The following KCNMA1 variants were observed in gnomAD, a reference collection of about 807,000 sequenced individuals.
KCNMA1 encodes potassium calcium-activated channel subfamily M alpha 1.
Under a neutral mutation model 140.0 loss-of-function variants are expected in KCNMA1, and 29 were observed. The observed-to-expected ratio is 0.21, with a 90% CI of 0.15 to 0.28. The LOEUF (loss-of-function observed/expected upper bound fraction) is 0.28, where lower values mean the gene tolerates loss of function less well. KCNMA1 is among the 10% of genes least tolerant of loss of function. KCNMA1 has a pLI of 1.00. For missense variants in KCNMA1, 880 were observed against 1,602.2 expected, an observed-to-expected ratio of 0.55 and a Z score of 7.70; for synonymous variants, 612 against 611.9, an observed-to-expected ratio of 1.00 and a Z score of 0.00.
intron 1 of KCNMA1, among the ~76,000 whole-genome samples, chr10:77,410,615 G>A (rs1350465464): frequency 2.6e-5 from 4 of 152,214 alleles, no homozygotes; most frequent in African/African-American, 9.6e-5. Flanking sequence ...ACCCTCCTAT[G>A]GCTTCTTGGC....
At chr10:76,969,714 C>A (rs1436826491) in intron 20 of KCNMA1, among the ~76,000 whole-genome samples, 2 of 152,222 alleles carry the variant, frequency 1.3e-5, no homozygotes, top group African/African-American at 4.8e-5. Context: ...ACAGCTAAGA[C>A]TTTAAAGCCT....
chr10:77,032,900 G>C (rs1296966421), intron 15 of KCNMA1, among the ~76,000 whole-genome samples: 3 of 152,134 alleles, frequency 2.0e-5, no homozygotes, highest in South Asian at 2.1e-4. Flanking sequence ...AACATTACTT[G>C]CTGGTGTTAA....
At chr10:77,075,558 A>C (rs942093775) in intron 13 of KCNMA1, among the ~76,000 whole-genome samples, 34 of 152,206 alleles carry the variant, frequency 2.2e-4, no homozygotes, top group African/African-American at 8.2e-4. Context: ...GAGGCATTTC[A>C]TCCTTGGGTC....
intron 1 of KCNMA1, among the ~76,000 whole-genome samples, chr10:77,484,848 C>G (rs1469129053): frequency 1.3e-5 from 2 of 152,220 alleles, no homozygotes; most frequent in Non-Finnish European, 2.9e-5. Flanking sequence ...CTCTGTCTAG[C>G]CTGCCTCTTG....
chr10:76,964,815 G>A (rs940584768), intron 20 of KCNMA1, among the ~76,000 whole-genome samples: 1 of 152,164 alleles, frequency 6.6e-6, no homozygotes, highest in Non-Finnish European at 1.5e-5. Flanking sequence ...ACCAGGAGAT[G>A]CCCAAGAGGA....
In KCNMA1 at chr10:77,089,127, G is replaced by T. The variant is rs564872115; in HGVS notation, c.1334+1273C>A. On this transcript the variant is annotated intron_variant, in intron 10 of 27. Coordinates refer to ENST00000286628, the MANE Select transcript of KCNMA1 (RefSeq NM_001161352.2). ...ACCTGCTCCTGTGCTAACATAGCCT[G>T]GTCTGTTTTTTCAAAGTTTGGAGAA... 5.3e-5 allele frequency among the ~76,000 whole-genome samples: 8 copies of T among 152,278 alleles called. No homozygotes were observed. The South Asian group carries it at 1.2e-3, about 24-fold the overall frequency.
chr10:76,910,588 A>G (rs1347572019), intron 24 of KCNMA1: 1 of 251,916 alleles, frequency 4.0e-6, no homozygotes, highest in Admixed American at 5.0e-5. Flanking sequence ...CCACAGGCAT[A>G]ACCCGCAGCC....
chr10:76,928,766 G>A (rs2058487027), intron 23 of KCNMA1, among the ~76,000 whole-genome samples: 1 of 152,080 alleles, frequency 6.6e-6, no homozygotes, highest in African/African-American at 2.4e-5. Context: ...GCCGATCAAC[G>A]CGCCATCCCT....
chr10:77,332,212 C>T (rs185669224), intron 2 of KCNMA1, among the ~76,000 whole-genome samples: 7 of 152,126 alleles, frequency 4.6e-5, no homozygotes, highest in Admixed American at 2.6e-4. Flanking sequence ...AGACCTAAAG[C>T]GTGCACAGGA....
At chr10:76,915,720 C>T (rs1053992655) in intron 23 of KCNMA1, among the ~76,000 whole-genome samples, 1 of 152,092 alleles carries the variant, frequency 6.6e-6, no homozygotes, top group Non-Finnish European at 1.5e-5. Context: ...TGACTTAGGC[C>T]TCAGTTTTCA....
At chr10:76,895,971 G>T (rs2042326072) in intron 25 of KCNMA1, among the ~76,000 whole-genome samples, 2 of 152,172 alleles carry the variant, frequency 1.3e-5, no homozygotes, top group Non-Finnish European at 1.5e-5. Context: ...GAGATCACAA[G>T]GTCAGGGCAA....
At chr10:77,470,242 G>T (rs1211886601) in intron 1 of KCNMA1, among the ~76,000 whole-genome samples, 1 of 152,136 alleles carries the variant, frequency 6.6e-6, no homozygotes, top group Non-Finnish European at 1.5e-5. Context: ...CCTGAGACAT[G>T]TACTGTATTA....
intron 2 of KCNMA1, among the ~76,000 whole-genome samples, chr10:77,389,223 G>A (rs1206639666): frequency 6.6e-6 from 1 of 152,122 alleles, no homozygotes; most frequent in East Asian, 1.9e-4. Context: ...TATAAATTTG[G>A]GGGCTAGCTT....
chr10:76,969,842 G>A (rs908803838), intron 20 of KCNMA1, 132 bp downstream of exon 20: 10 of 717,230 alleles, frequency 1.4e-5, no homozygotes. Flanking sequence ...GCCATCTAAC[G>A]ATCTCGCTCC....
intron 1 of KCNMA1, among the ~76,000 whole-genome samples, chr10:77,480,512 T>G (rs919903891): frequency 6.6e-6 from 1 of 152,102 alleles, no homozygotes; most frequent in African/African-American, 2.4e-5. Context: ...TATTAAAGCA[T>G]CCCAGAAAAA....
chr10:77,392,501 C>G (rs1264747729), intron 2 of KCNMA1, among the ~76,000 whole-genome samples: 1 of 152,226 alleles, frequency 6.6e-6, no homozygotes, highest in African/African-American at 2.4e-5. Context: ...AACCTTGCCA[C>G]CCCAAATCAT....
chr10:77,489,277 T>C (rs545038070), intron 1 of KCNMA1, among the ~76,000 whole-genome samples: 38 of 152,332 alleles, frequency 2.5e-4, no homozygotes, highest in African/African-American at 9.1e-4. Context: ...ATCTTGCTTA[T>C]CTGAAATTCA....
At chr10:76,977,200 T>G (rs2153221753) in intron 19 of KCNMA1, among the ~76,000 whole-genome samples, 2 of 152,302 alleles carry the variant, frequency 1.3e-5, no homozygotes, top group South Asian at 4.1e-4. Context: ...AGAGTAGGGA[T>G]GAAACCTGCC....
intron 1 of KCNMA1, among the ~76,000 whole-genome samples, chr10:77,440,590 G>C (rs999578394): frequency 1.3e-5 from 2 of 152,162 alleles, no homozygotes; most frequent in Non-Finnish European, 2.9e-5. Context: ...ATAATAGTGG[G>C]AAAGATGCTG....
Sources: allele counts gnomAD v4.1 joint callset (sites outside exome capture counted in the v4.1 genomes callset), GRCh38; gene constraint gnomAD v4.1.1; transcripts MANE v1.5; gene names NCBI Gene and HGNC (gene_info 2026-07-23, HGNC 2026-07-21).